Variants in FKBP6 observed in about 807,000 individuals in gnomAD.
The protein encoded by FKBP6 is inactive peptidyl-prolyl cis-trans isomerase FKBP6.
FKBP6 carries 29 observed loss-of-function variants against 41.7 expected under a neutral mutation model. The observed-to-expected ratio is 0.70, with a 90% CI of 0.52 to 0.95. The LOEUF is 0.95. FKBP6 is among the 40% of genes least tolerant of loss of function. The pLI, the probability that FKBP6 is intolerant of heterozygous loss-of-function variation, is 0.00. For synonymous variants in FKBP6, 130 were observed against 165.1 expected (o/e 0.79, Z 1.63); for missense variants, 338 against 408.7 (o/e 0.83, Z 1.49).
rs560957217 is a variant in FKBP6 at position 73,350,776 on chromosome 7, C to T, written c.*3-7405C>T. On this transcript the variant is annotated intron_variant, in intron 8 of 8. Transcript: ENST00000252037. ...TGGCCTGAGGTGAGCCCCGGAGCAG[C>T]GGGCCCTCAGCCCAGTGCCAATGCC... Among the ~76,000 whole-genome samples, 6 of 152,236 alleles carry T rather than the reference C, an allele frequency of 3.9e-5. No individual in the cohort carries two copies. The South Asian group carries it at 1.0e-3, about 26-fold the overall frequency.
rs926121297 is a variant in FKBP6, at chr7:73,340,673, T to A, written c.624T>A (p.Pro208=). The A allele has an allele frequency of 6.2e-7, 1 of 1,613,788 alleles. No homozygotes were observed. Among genetic ancestry groups the A allele is most frequent in the Non-Finnish European group, 8.5e-7 (1 of 1,180,006 alleles). The change falls in exon 6 of 9, where the codon CCT becomes CCA. Residue 208 remains proline (P), a synonymous_variant. Coordinates refer to ENST00000252037, the MANE Select transcript of FKBP6 (RefSeq NM_003602.5). The part of the protein sequence containing the change: ...LLLLRRRSAP[P]EEQHLVEAAK... ...TTCTGCGCCGGCGATCAGCACCCCC[T>A]GAAGAGCAGCACCTGGTGGAGGCCG...
rs371387362 is a variant in FKBP6 at position 73,342,851 on chromosome 7, G to A, written c.938G>A (p.Arg313His). 8 of 1,613,806 alleles carry A rather than the reference G, an allele frequency of 5.0e-6. No individual in the cohort carries two copies. The highest frequency in any genetic ancestry group is 2.2e-5 in the East Asian group (1 of 44,900). ...GATAAAGAGAAAGAAATGTGGCACC[G>A]CATGTTCGCGCCCTGTGGCGATGGT... ...YVDKEKEMWHRMFAPCGDGST... is the reference protein window; with the variant it reads ...YVDKEKEMWHHMFAPCGDGST... Residue 313 changes from arginine (R) to histidine (H), a missense_variant, in exon 8 of 9, where the codon CGC becomes CAC. Around this residue, in one of 2 missense-constraint regions of FKBP6, gnomAD observed 239 missense variants for 250.1 expected, o/e 0.96. Coordinates refer to ENST00000252037, the MANE Select transcript of FKBP6 (RefSeq NM_003602.5).
chr7:73,342,951 G>C, intron 8 of FKBP6, 52 bp downstream of exon 8: 1 of 1,206,126 alleles, frequency 8.3e-7, no homozygotes, highest in Non-Finnish European at 1.2e-6. Context: ...GAAGCGTGCT[G>C]CTCTCCTCCA....
intron 8 of FKBP6, among the ~76,000 whole-genome samples, chr7:73,353,871 T>C (rs1162470436): frequency 6.6e-6 from 1 of 151,960 alleles, no homozygotes; most frequent in African/African-American, 2.4e-5. Context: ...GTAGCTGGGA[T>C]TACAGGCGTG....
intron 8 of FKBP6, among the ~76,000 whole-genome samples, chr7:73,343,983 T>G (rs142005432): frequency 6.6e-6 from 1 of 152,350 alleles, no homozygotes; most frequent in Non-Finnish European, 1.5e-5. Flanking sequence ...TATCTGCACT[T>G]TCAGATGCGC....
At chr7:73,344,278 G>A (rs1363088136) in intron 8 of FKBP6, among the ~76,000 whole-genome samples, 1 of 152,210 alleles carries the variant, frequency 6.6e-6, no homozygotes, top group Non-Finnish European at 1.5e-5. Flanking sequence ...AGCCCAGCTG[G>A]GCAGCAGTTT....
At chr7:73,329,045 G>T (rs781198883) in intron 2 of FKBP6, among the ~76,000 whole-genome samples, 8 of 152,026 alleles carry the variant, frequency 5.3e-5, no homozygotes, top group African/African-American at 1.2e-4. Context: ...ACCCAAGTGA[G>T]CCTCCCACCT....
In FKBP6 at chr7:73,341,463, G is replaced by A. The variant is rs1554549588; in HGVS notation, c.893+81G>A. 5 of 931,160 alleles carry A rather than the reference G, an allele frequency of 5.4e-6. No homozygotes were observed. In the African/African-American group the frequency reaches 8.1e-5, roughly 15 times the overall value. 57.7% of individuals were successfully genotyped at this position (931,160 alleles called of 1,614,324 possible). ...TGTCCCCCCACCCCCCCCAACAAAG[G>A]ACAGTCTGGCGGTGTTGCCCAGAGT... On this transcript the variant is annotated intron_variant, in intron 7 of 8. Transcript: ENST00000252037.
chr7:73,336,721 G>A (rs1554548592), intron 5 of FKBP6: 4 of 456,408 alleles, frequency 8.8e-6, no homozygotes. Flanking sequence ...CATGTCAAAT[G>A]ACAAACTTCA....
At chr7:73,331,823 T>TC in intron 5 of FKBP6, 47 bp downstream of exon 5, 1 of 1,582,186 alleles carries the variant, frequency 6.3e-7, no homozygotes. Flanking sequence ...CCTGAAAACT[T>TC]CCTTGTTTAA....
At chr7:73,357,782 C>T (rs868978563) in intron 8 of FKBP6, among the ~76,000 whole-genome samples, 7 of 151,690 alleles carry the variant, frequency 4.6e-5, no homozygotes. Flanking sequence ...GTCAGGAATT[C>T]GAGACCAGCC....
chr7:73,341,739 C>G (rs1805197891), intron 7 of FKBP6, among the ~76,000 whole-genome samples: 1 of 150,716 alleles, frequency 6.6e-6, no homozygotes, highest in Admixed American at 6.6e-5. Flanking sequence ...TCTCGGCTCA[C>G]TGCAACCTCC....
intron 8 of FKBP6, among the ~76,000 whole-genome samples, chr7:73,357,160 G>A (rs996993780): frequency 1.4e-4 from 21 of 152,066 alleles, no homozygotes; most frequent in Admixed American, 2.6e-4. Context: ...CCTCATGACC[G>A]TAATGGAGCT....
At chr7:73,332,670 T>C (rs1163419073) in intron 5 of FKBP6, among the ~76,000 whole-genome samples, 1 of 152,148 alleles carries the variant, frequency 6.6e-6, no homozygotes, top group Non-Finnish European at 1.5e-5. Context: ...CATGGGTGTG[T>C]TCAGGTTGTG....
chr7:73,331,973 C>T (rs1804860117), intron 5 of FKBP6, among the ~76,000 whole-genome samples, 197 bp downstream of exon 5: 2 of 152,070 alleles, frequency 1.3e-5, no homozygotes, highest in South Asian at 4.1e-4. Flanking sequence ...ACGCCATTCT[C>T]CTGCCTCAGC....
chr7:73,340,886 G>T, intron 6 of FKBP6, 54 bp downstream of exon 6: 4 of 1,078,124 alleles, frequency 3.7e-6, no homozygotes, highest in Admixed American at 1.7e-5. Context: ...GGTAGTAGCA[G>T]TGCTCAACTC....
Position 73,328,302 on chromosome 7 carries a change from A to T in FKBP6, c.-127A>T. The T allele has an allele frequency of 6.5e-7, 1 of 1,549,196 alleles. No individual in the cohort carries two copies. The highest frequency in any genetic ancestry group is 1.2e-5 in the South Asian group (1 of 83,960). ...GTGCCTCCTCGTGGCCCCAGAATGG[A>T]ATGCCGCCGTCGGTAGGGGTCTGCC... On this transcript the variant is annotated 5_prime_UTR_variant, in exon 1 of 9. Transcript: ENST00000252037.
intron 8 of FKBP6, among the ~76,000 whole-genome samples, chr7:73,355,806 C>T (rs1387983416): frequency 6.6e-6 from 1 of 151,990 alleles, no homozygotes; most frequent in African/African-American, 2.4e-5. Flanking sequence ...ATGGCTCACA[C>T]CTGTAATCCC....
intron 8 of FKBP6, among the ~76,000 whole-genome samples, chr7:73,356,668 T>C (rs1554551985): frequency 1.3e-5 from 2 of 152,238 alleles, no homozygotes; most frequent in Non-Finnish European, 2.9e-5. Context: ...TTTAAGTTAT[T>C]TTTGATAACT....
Sources: gnomAD v4.1 joint callset for allele counts (sites outside exome capture counted in the v4.1 genomes callset) on GRCh38, gnomAD v4.1.1 for gene constraint, gnomAD v4.1.1 regional missense constraint, MANE v1.5 for transcripts, NCBI Gene and HGNC (gene_info 2026-07-23, HGNC 2026-07-21) for gene names.